DHRS11: variants seen among roughly 807,000 people sequenced by gnomAD.
DHRS11 encodes dehydrogenase/reductase 11.
A neutral mutation model predicts 30.7 loss-of-function variants in DHRS11; 18 were observed. The ratio of observed to expected loss-of-function variants is 0.59; its 90% CI spans 0.41 to 0.87. The LOEUF is 0.87. DHRS11 is among the 40% of genes least tolerant of loss of function. The pLI, the probability that DHRS11 is intolerant of heterozygous loss-of-function variation, is 0.00. For missense variants in DHRS11, 300 were observed against 349.0 expected (o/e 0.86, Z 1.12); for synonymous variants, 123 against 139.6 (o/e 0.88, Z 0.84).
intron 4 of DHRS11, 179 bp from the exon 5 acceptor site, chr17:36,599,492 T>C: frequency 1.6e-6 from 1 of 625,654 alleles, no homozygotes; most frequent in Non-Finnish European, 2.9e-6. Context: ...AAAGGCTCTG[T>C]AGATGGTAGG....
chr17:36,597,950 C>T, intron 2 of DHRS11: 1 of 600,534 alleles, frequency 1.7e-6, no homozygotes, highest in Non-Finnish European at 3.0e-6. Flanking sequence ...AGGTGAGGAG[C>T]TACCTCTGTT....
At chr17:36,598,752 T>C (rs1477098922) in intron 3 of DHRS11, 169 bp from the exon 4 acceptor site, 1 of 859,230 alleles carries the variant, frequency 1.2e-6, no homozygotes, top group African/African-American at 1.7e-5. Flanking sequence ...CCAAAGCTGT[T>C]TGAATAACCA....
At position 36,592,098 on chromosome 17, in the gene DHRS11, C is replaced by G; in HGVS notation, c.89C>G (p.Ala30Gly). ...GGCATCGGCGCGGCCGTGGCCCGGG[C>G]CCTGGTCCAGCAGGGACTGAAGGTG... ...SGGIGAAVAR[A>G]LVQQGLKVVG... Residue 30 changes from alanine (A) to glycine (G), a missense_variant, in exon 1 of 7, where the codon GCC (alanine) becomes GGC (glycine). Transcript: ENST00000618403. The surrounding 1 kb of genome is among the most constrained non-coding windows in gnomAD (Gnocchi z 4.4). 1 of 1,256,550 alleles carries G rather than the reference C, an allele frequency of 8.0e-7. No homozygotes were observed. Among genetic ancestry groups the G allele is most frequent in the Non-Finnish European group, 1.0e-6 (1 of 1,000,304 alleles). 77.8% of individuals were successfully genotyped at this position (1,256,550 alleles called of 1,614,324 possible).
intron 2 of DHRS11, chr17:36,596,975 G>C: frequency 2.2e-6 from 1 of 444,772 alleles, no homozygotes; most frequent in Non-Finnish European, 4.6e-6. Context: ...TGTAAAATGA[G>C]GGACTTACAT....
intron 1 of DHRS11, among the ~76,000 whole-genome samples, chr17:36,594,380 C>T (rs1455532546): frequency 1.3e-5 from 2 of 152,102 alleles, no homozygotes; most frequent in Non-Finnish European, 2.9e-5. Flanking sequence ...AGAGAGAGCA[C>T]TCCATTCTCT....
At chr17:36,599,840 C>T (rs920247125) in intron 5 of DHRS11, 77 bp downstream of exon 5, 31 of 1,596,010 alleles carry the variant, frequency 1.9e-5, no homozygotes, top group Admixed American at 6.8e-5. Context: ...CTTCAGACTC[C>T]ACTCTTCCAG....
rs1042527120 is a variant in DHRS11 at position 36,599,893 on chromosome 17, G to T, written c.676-79G>T. 53 of 1,574,338 alleles carry T rather than the reference G, an allele frequency of 3.4e-5. No homozygotes were observed. In the Middle Eastern group the frequency reaches 6.7e-4, roughly 20 times the overall value. On this transcript the variant is annotated intron_variant, in intron 5 of 6. Coordinates refer to ENST00000618403, the MANE Select transcript of DHRS11 (RefSeq NM_024308.4). Reference sequence around the variant, plus strand: ...GGAGGGTTGGGGTGGATGTGTGGATGCCACAGAGAAGCTCAGTGGTGGGAG... The same window carrying T: ...GGAGGGTTGGGGTGGATGTGTGGATTCCACAGAGAAGCTCAGTGGTGGGAG...
chr17:36,593,736 G>A (rs1192786880), intron 1 of DHRS11, among the ~76,000 whole-genome samples: 3 of 152,194 alleles, frequency 2.0e-5, no homozygotes, highest in African/African-American at 7.2e-5. Context: ...TTTATTCCTG[G>A]CTCAGCTTGG....
chr17:36,597,912 T>C, intron 2 of DHRS11: 2 of 579,686 alleles, frequency 3.5e-6, no homozygotes, highest in South Asian at 4.2e-5. Context: ...GTTTCCATTC[T>C]TGTTTGCAGG....
Position 36,600,083 on chromosome 17 carries a change from C to G in DHRS11, c.741+46C>G, listed in dbSNP as rs770595211. On this transcript the variant is annotated intron_variant, in intron 6 of 6. Coordinates refer to ENST00000618403, the MANE Select transcript of DHRS11 (RefSeq NM_024308.4). ...CTACTCACTGGAGGAACCCAACCAG[C>G]CCCAGAGGAGGGGAGCAGGGAGCCC... 6.2e-6 allele frequency: 10 copies of G among 1,613,732 alleles called. No homozygotes were observed. The Admixed American group carries it at 1.7e-4, about 27-fold the overall frequency.
chr17:36,594,908 G>A, intron 1 of DHRS11, 63 bp from the exon 2 acceptor site: 2 of 1,573,668 alleles, frequency 1.3e-6, no homozygotes, highest in Non-Finnish European at 8.7e-7. Flanking sequence ...GGGGTCTGAG[G>A]CTGGCTAGGG....
chr17:36,598,087 C>G (rs1261211001), intron 2 of DHRS11, 76 bp from the exon 3 acceptor site: 14 of 1,470,894 alleles, frequency 9.5e-6, no homozygotes, highest in South Asian at 6.8e-5. Flanking sequence ...CCCCTTCCCC[C>G]CTAGCATTCT....
chr17:36,599,791 G>A, intron 5 of DHRS11, 28 bp downstream of exon 5: 1 of 1,613,344 alleles, frequency 6.2e-7, no homozygotes, highest in Non-Finnish European at 8.5e-7. Context: ...GCCTGGTGAA[G>A]CCACTGACTC....
Position 36,592,167 on chromosome 17 carries a change from G to T in DHRS11, c.147+11G>T. 7.8e-7 allele frequency: 1 copy of T among 1,275,674 alleles called. No individual in the cohort carries two copies. Among genetic ancestry groups the T allele is most frequent in the Non-Finnish European group, 9.9e-7 (1 of 1,011,186 alleles). The allele number at this position is 1,275,674 out of a possible 1,614,324, so 79.0% of individuals were successfully genotyped here. ...GTGGGCAACATCGAGGTGAGGCCGG[G>T]CCGAGGGCGGGGACGTCGCGGGCGG... On this transcript the variant is annotated intron_variant, in intron 1 of 6. Transcript: ENST00000618403. The surrounding 1 kb of genome is among the most constrained non-coding windows in gnomAD (Gnocchi z 4.4).
chr17:36,595,241 G>A, intron 2 of DHRS11, 61 bp downstream of exon 2: 7 of 1,594,196 alleles, frequency 4.4e-6, no homozygotes, highest in Non-Finnish European at 6.0e-6. Flanking sequence ...GGGAGCCAGG[G>A]GTTTGTGAAC....
chr17:36,600,395 G>T lies in DHRS11; in HGVS notation c.*192G>T. 1.5e-6 allele frequency: 1 copy of T among 674,636 alleles called. No homozygotes were observed. 41.8% of individuals were successfully genotyped at this position (674,636 alleles called of 1,614,324 possible). On this transcript the variant is annotated 3_prime_UTR_variant, in exon 7 of 7. Coordinates refer to ENST00000618403, the MANE Select transcript of DHRS11 (RefSeq NM_024308.4). The stretch of plus-strand genomic sequence containing the variant: ...AGTTGTAAATGTGAAAAATGGGCTG[G>T]GGAAAGGAGGTGGTGTCCCTAATTG...
intron 2 of DHRS11, 24 bp from the exon 3 acceptor site, chr17:36,598,139 C>T: frequency 2.5e-6 from 4 of 1,613,030 alleles, no homozygotes; most frequent in Non-Finnish European, 3.4e-6. Context: ...GTGGAGACAC[C>T]TCATTGCCCT....
In DHRS11 at chr17:36,598,254, A is replaced by G. The variant is rs529569640; in HGVS notation, c.449A>G (p.Asn150Ser). 7.4e-6 allele frequency: 12 copies of G among 1,613,976 alleles called. No homozygotes were observed. In the South Asian group the frequency reaches 9.9e-5, roughly 13 times the overall value. Residue 150 changes from asparagine (N) to serine (S), a missense_variant, in exon 3 of 7, where the codon AAT becomes AGT. Transcript: ENST00000618403. ...NVDDGHIINI[N>S]SMSGHRVLPL... ...GACGATGGGCACATCATTAACATCA[A>G]TAGGTGAGGGCAGGTGGCCAATGGG...
chr17:36,599,026 G>A lies in DHRS11; in HGVS notation c.558G>A (p.Glu186=). 1 of 1,612,676 alleles carries A rather than the reference G, an allele frequency of 6.2e-7. No homozygotes were observed. Among genetic ancestry groups the A allele is most frequent in the Non-Finnish European group, 8.5e-7 (1 of 1,179,990 alleles). Residue 186 remains glutamate, a synonymous_variant, in exon 4 of 7, where the codon GAG becomes GAA. Transcript: ENST00000618403. ...AGGGACTGAGGCAAGAGCTTCGGGA[G>A]GCCCAGACCCACATCCGAGCCACGG... ...LTEGLRQELR[E]AQTHIRATCI...
Sources: gnomAD v4.1 joint callset for allele counts (sites outside exome capture counted in the v4.1 genomes callset) on GRCh38, gnomAD v4.1.1 for gene constraint, Gnocchi (gnomAD v3.1) non-coding constraint, MANE v1.5 for transcripts, NCBI Gene and HGNC (gene_info 2026-07-23, HGNC 2026-07-21) for gene names.